Variants in CCNL1 observed in about 807,000 individuals in gnomAD.
The protein encoded by CCNL1 is cyclin L1, also known as cyclin-L1.
Under a neutral mutation model 60.6 loss-of-function variants are expected in CCNL1, and 13 were observed. The observed-to-expected ratio is 0.21, with a 90% CI of 0.14 to 0.34. CCNL1 has a LOEUF of 0.34. CCNL1 is among the 10% of genes least tolerant of loss of function. CCNL1 has a pLI of 1.00. For missense variants in CCNL1, 481 were observed against 664.3 expected (o/e 0.72, Z 3.03); for synonymous variants, 270 against 244.3 (o/e 1.10, Z -0.98).
chr3:157,157,475 C>T (rs1380248150), intron 3 of CCNL1, among the ~76,000 whole-genome samples: 2 of 152,022 alleles, frequency 1.3e-5, no homozygotes, highest in African/African-American at 4.8e-5. Context: ...ACTAGAAAAC[C>T]ATTTCCTTTA....
chr3:157,150,355 G>T lies in CCNL1; in HGVS notation c.701C>A (p.Thr234Asn). 6.2e-7 allele frequency: 1 copy of T among 1,613,824 alleles called. No homozygotes were observed. The highest frequency in any genetic ancestry group is 8.5e-7 in the Non-Finnish European group (1 of 1,179,828). The change falls in exon 6 of 11, where the codon ACC (threonine) becomes AAC (asparagine). Residue 234 changes from threonine (T) to asparagine (N), a missense_variant. Thr to Asn is a moderately conservative substitution (Grantham distance 65). Coordinates refer to ENST00000295926, the MANE Select transcript of CCNL1 (RefSeq NM_020307.4). ...TGGTTGAAATCGAACAAACACATTG[G>T]TTCGAAGACTGTCATTCATGTAATT... ...AWNYMNDSLR[T>N]NVFVRFQPET...
chr3:157,153,918 C>A (rs1229876148), intron 3 of CCNL1: 1 of 152,104 alleles, frequency 6.6e-6, no homozygotes, highest in African/African-American at 2.4e-5. Context: ...TAAAACTCCA[C>A]GTGACCCATG....
Position 157,147,660 on chromosome 3 carries a change from T to A in CCNL1, c.*581A>T, listed in dbSNP as rs1231069788. Reference sequence around the variant, plus strand: ...AGACTTACAATAGCTCACAATGCAGTTAAGAATTGCATTTTAATAATCTCA... The same window carrying A: ...AGACTTACAATAGCTCACAATGCAGATAAGAATTGCATTTTAATAATCTCA... On this transcript the variant is annotated 3_prime_UTR_variant, in exon 11 of 11. Transcript: ENST00000295926. 4 of 984,982 alleles carry A rather than the reference T, an allele frequency of 4.1e-6. No individual in the cohort carries two copies. In the African/African-American group the frequency reaches 7.0e-5, roughly 17 times the overall value. 61.0% of individuals were successfully genotyped at this position (984,982 alleles called of 1,614,324 possible).
chr3:157,146,105 A>C (rs974835218), downstream of CCNL1, among the ~76,000 whole-genome samples: 1 of 152,206 alleles, frequency 6.6e-6, no homozygotes, highest in Non-Finnish European at 1.5e-5. Context: ...TTTTCTTCCC[A>C]ATAGCAAGGG....
chr3:157,151,415 A>T, intron 5 of CCNL1: 1 of 985,746 alleles, frequency 1.0e-6, no homozygotes. Context: ...TCCAAGTGCT[A>T]AAGCATTTAA....
chr3:157,160,131 G>A lies in CCNL1; in HGVS notation c.-37C>T. The A allele has an allele frequency of 1.3e-6, 2 of 1,525,516 alleles. No homozygotes were observed. The highest frequency in any genetic ancestry group is 1.2e-5 in the South Asian group (1 of 83,646). 94.5% of individuals were successfully genotyped at this position (1,525,516 alleles called of 1,614,324 possible). On this transcript the variant is annotated 5_prime_UTR_variant, in exon 1 of 11. Transcript: ENST00000295926. ...GCCGCACGCAAGCCCAACGCAGCCG[G>A]AACCCGAAACAAGACTAACCAGCGT...
chr3:157,145,196 G>A (rs1032992360), downstream of CCNL1, among the ~76,000 whole-genome samples: 1 of 152,070 alleles, frequency 6.6e-6, no homozygotes, highest in Non-Finnish European at 1.5e-5. Flanking sequence ...CAGCCCTTTG[G>A]GAGGCAAGGC....
chr3:157,144,638 C>T (rs1454453992), downstream of CCNL1, among the ~76,000 whole-genome samples: 1 of 152,248 alleles, frequency 6.6e-6, no homozygotes, highest in Non-Finnish European at 1.5e-5. Context: ...AAGGCCCACA[C>T]AATGAACGCT....
At chr3:157,154,555 A>C (rs1457927295) in intron 3 of CCNL1, 1 of 152,212 alleles carries the variant, frequency 6.6e-6, no homozygotes, top group African/African-American at 2.4e-5. Context: ...ATCTATTTCA[A>C]TACATGCACC....
Position 157,159,863 on chromosome 3 carries a change from T to G in CCNL1, c.232A>C (p.Ser78Arg), listed in dbSNP as rs1236974943. The G allele has an allele frequency of 6.3e-7, 1 of 1,586,352 alleles. No homozygotes were observed. Among genetic ancestry groups the G allele is most frequent in the East Asian group, 2.3e-5 (1 of 43,386 alleles). Reference protein sequence around the residue: ...PSMQDGLDLPSETDLRILGCE... With the variant: ...PSMQDGLDLPRETDLRILGCE... ...CCCAGGATGCGTAAGTCCGTCTCAC[T>G]GGGCAGGTCGAGCCCATCCTGCATG... is the stretch of plus-strand genomic sequence containing the variant. The change falls in exon 1 of 11, where the codon AGT becomes CGT. Residue 78 changes from serine to arginine, a missense_variant. This residue lies in a region of CCNL1 where 130 missense variants were observed against 174.5 expected (regional missense o/e 0.75). Coordinates refer to ENST00000295926, the MANE Select transcript of CCNL1 (RefSeq NM_020307.4).
chr3:157,153,467 CTT>C (rs1196779507), intron 3 of CCNL1: 1 of 199,114 alleles, frequency 5.0e-6, no homozygotes, highest in Non-Finnish European at 1.0e-5. Flanking sequence ...ATGTATTTAA[CTT>C]TAACGATAGC....
chr3:157,158,923 C>G lies in CCNL1; in HGVS notation c.431G>C (p.Arg144Thr), dbSNP rs1226845255. The G allele has an allele frequency of 6.2e-7, 1 of 1,613,652 alleles. No individual in the cohort carries two copies. The highest frequency in any genetic ancestry group is 8.5e-7 in the Non-Finnish European group (1 of 1,179,888). Residue 144 changes from arginine to threonine, a missense_variant, in exon 3 of 11, where the codon AGA becomes ACA. By Grantham distance (71) the Arg-to-Thr change is moderately conservative (BLOSUM62 -1). Transcript: ENST00000295926. ...NLASKIEEAP[R>T]RIRDVINVFH... ...TACATTAATCACATCTCTTATTCTTCTAGGTGCTTCTTCGATTTTTGATGC... is the reference window on the plus strand; with the variant it reads ...TACATTAATCACATCTCTTATTCTTGTAGGTGCTTCTTCGATTTTTGATGC...
chr3:157,150,436 C>A, intron 5 of CCNL1, 55 bp from the exon 6 acceptor site: 1 of 1,571,308 alleles, frequency 6.4e-7, no homozygotes, highest in African/African-American at 1.4e-5. Flanking sequence ...TCTTCTGAAG[C>A]TTACATAAAA....
At position 157,159,264 on chromosome 3, in the gene CCNL1, C is replaced by G. The variant is rs1173949422; in HGVS notation, c.378+141G>C. On this transcript the variant is annotated intron_variant, in intron 2 of 10. Coordinates refer to ENST00000295926, the MANE Select transcript of CCNL1 (RefSeq NM_020307.4). The stretch of plus-strand genomic sequence containing the variant: ...ATTTTGAACCACATTCTAAAGGTTT[C>G]CACTTCCTGGCGAGTGAGAAGTAGG... The G allele has an allele frequency of 5.3e-6, 4 of 748,642 alleles. No individual in the cohort carries two copies. The Admixed American group carries it at 1.1e-4, about 20-fold the overall frequency. The allele number at this position is 748,642 out of a possible 1,614,324, so 46.4% of individuals were successfully genotyped here.
At chr3:157,150,580 T>A (rs1738110396) in intron 5 of CCNL1, 199 bp from the exon 6 acceptor site, 4 of 1,308,232 alleles carry the variant, frequency 3.1e-6, no homozygotes, top group Non-Finnish European at 3.9e-6. Context: ...CATATGCGAT[T>A]TTCCTATATA....
downstream of CCNL1, among the ~76,000 whole-genome samples, chr3:157,144,340 C>T (rs948832204): frequency 6.6e-6 from 1 of 152,168 alleles, no homozygotes; most frequent in Non-Finnish European, 1.5e-5. Flanking sequence ...TATTTGAGTG[C>T]GTTCCAATAT....
Position 157,153,143 on chromosome 3 carries a change from G to A in CCNL1, c.502C>T (p.Leu168=), listed in dbSNP as rs1353837921. The A allele has an allele frequency of 2.5e-6, 4 of 1,612,534 alleles. No homozygotes were observed. The highest frequency in any genetic ancestry group is 3.4e-6 in the Non-Finnish European group (4 of 1,179,356). Residue 168 remains leucine, a synonymous_variant, in exon 4 of 11, where the codon CTG becomes TTG. Transcript: ENST00000295926. ...TTAATGTAGTTCTGATCAAGGATCA[G>A]GGGGCTTGGAGTCCTATAGTTTGTA... ...QLRGKRTPSP[L]ILDQNYINTK...
chr3:157,159,328 G>T, intron 2 of CCNL1, 77 bp downstream of exon 2: 1 of 1,353,742 alleles, frequency 7.4e-7, no homozygotes, highest in Non-Finnish European at 1.0e-6. Context: ...TTCTGGAAAA[G>T]CTGGCTGCTG....
intron 3 of CCNL1, chr3:157,157,115 T>TG (rs1399864870): frequency 7.8e-7 from 1 of 1,289,712 alleles, no homozygotes; most frequent in Admixed American, 2.3e-5. Context: ...AAAAAAGAGT[T>TG]GAAGTTAATA....
Sources: allele counts gnomAD v4.1 joint callset (sites outside exome capture counted in the v4.1 genomes callset), GRCh38; gene constraint gnomAD v4.1.1; regional missense constraint gnomAD v4.1.1; transcripts MANE v1.5; gene names NCBI Gene and HGNC (gene_info 2026-07-23, HGNC 2026-07-21).